MLIP: variants seen among roughly 807,000 people sequenced by gnomAD.
MLIP encodes the protein muscular LMNA-interacting protein.
A neutral mutation model predicts 84.8 loss-of-function variants in MLIP; 79 were observed. The ratio of observed to expected loss-of-function variants is 0.93; its 90% CI spans 0.78 to 1.12. The LOEUF (loss-of-function observed/expected upper bound fraction) is 1.12, where lower values mean the gene tolerates loss of function less well. Ranked by LOEUF, MLIP falls within the 50% of genes most tolerant of loss-of-function variation. The probability of loss-of-function intolerance (pLI) is 0.00; values close to 1 mark genes in which losing one functional copy is unlikely to be tolerated. For synonymous variants in MLIP, 504 were observed against 463.0 expected, an observed-to-expected ratio of 1.09 and a Z score of -1.14; for missense variants, 1,257 against 1,160.6, an observed-to-expected ratio of 1.08 and a Z score of -1.21.
intron 1 of MLIP, chr6:54,083,490 G>A: frequency 6.5e-7 from 1 of 1,534,374 alleles, no homozygotes; most frequent in Non-Finnish European, 8.7e-7. Context: ...ACAGGCAAGT[G>A]TTTGTCAATG....
At chr6:54,056,294 T>C (rs1034895708) in intron 1 of MLIP, among the ~76,000 whole-genome samples, 2 of 152,186 alleles carry the variant, frequency 1.3e-5, no homozygotes, top group Non-Finnish European at 2.9e-5. Context: ...AATTGAAAGA[T>C]TTCATGAAAA....
intron 10 of MLIP, 131 bp from the exon 11 acceptor site, chr6:54,201,974 A>G: frequency 1.6e-6 from 1 of 610,388 alleles, no homozygotes; most frequent in Non-Finnish European, 2.4e-6. Flanking sequence ...TGCATTTTTG[A>G]AATCATTTTA....
At chr6:54,190,838 G>C (rs1338106478) in intron 10 of MLIP, among the ~76,000 whole-genome samples, 7 of 147,588 alleles carry the variant, frequency 4.7e-5, no homozygotes, top group Admixed American at 2.1e-4. Flanking sequence ...CTCTGTCGGC[G>C]AGGCTAGAGT....
intron 1 of MLIP, among the ~76,000 whole-genome samples, chr6:54,061,487 A>G (rs898783326): frequency 6.6e-6 from 1 of 152,204 alleles, no homozygotes; most frequent in Non-Finnish European, 1.5e-5. Context: ...CCCTAATTGT[A>G]AAGTGGATAA....
At chr6:54,097,520 C>G (rs1291981052) in intron 1 of MLIP, among the ~76,000 whole-genome samples, 1 of 152,058 alleles carries the variant, frequency 6.6e-6, no homozygotes, top group African/African-American at 2.4e-5. Context: ...TATATGACCA[C>G]TCAGATGGTG....
intron 1 of MLIP, among the ~76,000 whole-genome samples, chr6:54,061,059 A>G (rs1436865714): frequency 6.6e-6 from 1 of 151,986 alleles, no homozygotes; most frequent in African/African-American, 2.4e-5. Flanking sequence ...GATGTGGACA[A>G]TGGTAAAAAG....
intron 11 of MLIP, chr6:54,215,434 T>C (rs1272387909): frequency 1.7e-6 from 2 of 1,200,578 alleles, no homozygotes; most frequent in East Asian, 3.3e-5. Flanking sequence ...TTTAAAAGTA[T>C]AATTTCTTTA....
intron 1 of MLIP, among the ~76,000 whole-genome samples, chr6:54,081,191 C>T (rs1767122045): frequency 6.6e-6 from 1 of 152,122 alleles, no homozygotes; most frequent in Non-Finnish European, 1.5e-5. Context: ...GGAACTTCCT[C>T]GCACCATCCT....
At chr6:54,106,194 C>A (rs753552450) in intron 1 of MLIP, among the ~76,000 whole-genome samples, 1 of 152,080 alleles carries the variant, frequency 6.6e-6, no homozygotes, top group Non-Finnish European at 1.5e-5. Flanking sequence ...GGATTCCTCT[C>A]TAGAGTTGTT....
chr6:54,217,816 A>C (rs1779953159), intron 11 of MLIP: 1 of 985,086 alleles, frequency 1.0e-6, no homozygotes, highest in Non-Finnish European at 1.2e-6. Flanking sequence ...ACATCCCTCA[A>C]AAACTAAAAC....
chr6:54,184,886 T>G (rs1231893868), intron 9 of MLIP, among the ~76,000 whole-genome samples: 1 of 152,164 alleles, frequency 6.6e-6, no homozygotes, highest in Non-Finnish European at 1.5e-5. Flanking sequence ...ACAAGAGCCA[T>G]TCTTATACTC....
At chr6:54,024,067 C>T (rs949635602) in intron 1 of MLIP, among the ~76,000 whole-genome samples, 1 of 152,114 alleles carries the variant, frequency 6.6e-6, no homozygotes, top group Non-Finnish European at 1.5e-5. Flanking sequence ...AGCTGGAGTG[C>T]AATGGTGCAA....
At position 54,124,538 on chromosome 6, in the gene MLIP, G is replaced by T. The variant is rs1437362963; in HGVS notation, c.318G>T (p.Leu106Phe). 1 of 1,614,156 alleles carries T rather than the reference G, an allele frequency of 6.2e-7. No individual in the cohort carries two copies. Among genetic ancestry groups the T allele is most frequent in the Middle Eastern group, 1.7e-4 (1 of 6,060 alleles). Reference protein sequence around the residue: ...GSQQERDQAKLTCPSEVSGTI... With the variant: ...GSQQERDQAKFTCPSEVSGTI... ...AACAAGAGAGAGACCAAGCGAAATT[G>T]ACTTGTCCTTCAGAGGTCAGTGGAA... Residue 106 changes from leucine to phenylalanine, a missense_variant, in exon 3 of 14, where the codon TTG becomes TTT. By Grantham distance (22) the Leu-to-Phe change is conservative (BLOSUM62 0). Transcript: ENST00000502396.
At chr6:54,190,397 T>G (rs1777796528) in intron 10 of MLIP, among the ~76,000 whole-genome samples, 1 of 152,198 alleles carries the variant, frequency 6.6e-6, no homozygotes, top group African/African-American at 2.4e-5. Flanking sequence ...TATGTAATTT[T>G]AAAACTTCTA....
At position 54,080,147 on chromosome 6, in the gene MLIP, C is replaced by G. The variant is rs183398698; in HGVS notation, c.64-41300C>G. ...AGAACTTTTCCACTGGGTCCCTCCT[C>G]TCTTCATTCAACAGTCCTGACAAAC... On this transcript the variant is annotated intron_variant, in intron 1 of 12. Transcript: ENST00000274897. 4.1e-4 allele frequency among the ~76,000 whole-genome samples: 63 copies of G among 152,274 alleles called. 2 individuals are homozygous for G. The highest frequency in any genetic ancestry group is 1.4e-3 in the African/African-American group (58 of 41,568).
At chr6:54,234,401 G>A (rs1437983064) in intron 12 of MLIP, among the ~76,000 whole-genome samples, 3 of 152,110 alleles carry the variant, frequency 2.0e-5, no homozygotes, top group Non-Finnish European at 2.9e-5. Flanking sequence ...TTATCACTAA[G>A]CTTTCTGGGA....
At chr6:54,020,066 G>A (rs1042467693) in intron 1 of MLIP, among the ~76,000 whole-genome samples, 16 of 152,158 alleles carry the variant, frequency 1.1e-4, no homozygotes, top group African/African-American at 3.6e-4. Context: ...TGGCCACAGA[G>A]TATTTTCCTT....
At chr6:54,256,481 C>T (rs558420467) in intron 12 of MLIP, among the ~76,000 whole-genome samples, 1 of 152,198 alleles carries the variant, frequency 6.6e-6, no homozygotes, top group South Asian at 2.1e-4. Flanking sequence ...AAGAAATATT[C>T]CTGTCAAACT....
At chr6:54,150,425 C>T (rs2150526542) in intron 5 of MLIP, among the ~76,000 whole-genome samples, 1 of 152,228 alleles carries the variant, frequency 6.6e-6, no homozygotes, top group East Asian at 1.9e-4. Context: ...ATTCCACACT[C>T]TGGGGCCATA....
Sources: allele counts gnomAD v4.1 joint callset (sites outside exome capture counted in the v4.1 genomes callset), GRCh38; gene constraint gnomAD v4.1.1; transcripts MANE v1.5; gene names NCBI Gene and HGNC (gene_info 2026-07-23, HGNC 2026-07-21).